SGCZ: variants seen among roughly 807,000 people sequenced by gnomAD.
SGCZ encodes the protein sarcoglycan zeta, also known as zeta-sarcoglycan.
In SGCZ, 40 loss-of-function variants were observed where a neutral mutation model predicts 41.3. The observed-to-expected ratio is 0.97, with a 90% CI of 0.75 to 1.26. The LOEUF (loss-of-function observed/expected upper bound fraction) is 1.26. Among genes scored for constraint, SGCZ ranks in the 50% most tolerant of loss-of-function variants. The probability of loss-of-function intolerance (pLI) is 0.00; values close to 1 mark genes in which losing one functional copy is unlikely to be tolerated. For synonymous variants in SGCZ, 206 were observed against 137.5 expected (o/e 1.50, Z -3.49); for missense variants, 552 against 369.8 (o/e 1.49, Z -4.04).
intron 5 of SGCZ, among the ~76,000 whole-genome samples, chr8:14,129,130 T>C (rs1050048328): frequency 6.6e-6 from 1 of 151,954 alleles, no homozygotes; most frequent in African/African-American, 2.4e-5. Context: ...GTGGATCACC[T>C]GAGGTCAGGA....
intron 4 of SGCZ, among the ~76,000 whole-genome samples, chr8:14,198,802 T>C (rs550228321): frequency 1.3e-5 from 2 of 152,346 alleles, no homozygotes; most frequent in Admixed American, 1.3e-4. Flanking sequence ...AAATTTCTTA[T>C]GCCTGTCTTT....
chr8:14,414,488 C>T (rs948825395), intron 2 of SGCZ, among the ~76,000 whole-genome samples: 1 of 151,760 alleles, frequency 6.6e-6, no homozygotes, highest in Non-Finnish European at 1.5e-5. Flanking sequence ...ATGTTTGGAA[C>T]CTGCTTGAGA....
intron 7 of SGCZ, 45 bp from the exon 8 acceptor site, chr8:14,090,682 A>C (rs559944337): frequency 1.3e-6 from 2 of 1,539,284 alleles, no homozygotes; most frequent in Non-Finnish European, 8.8e-7. Flanking sequence ...TTAGAAATGT[A>C]GCATCGAGTA....
chr8:14,988,850 C>G (rs556068733), intron 1 of SGCZ, among the ~76,000 whole-genome samples: 1 of 152,232 alleles, frequency 6.6e-6, no homozygotes, highest in South Asian at 2.1e-4. Context: ...TCATTTATTT[C>G]TGGATATTTA....
intron 1 of SGCZ, among the ~76,000 whole-genome samples, chr8:14,622,376 C>T (rs573606397): frequency 6.6e-6 from 1 of 152,214 alleles, no homozygotes; most frequent in Middle Eastern, 3.4e-3. Flanking sequence ...GTTTCTTTTT[C>T]CTGTAATCTG....
At position 15,237,830 on chromosome 8, in the gene SGCZ, T is replaced by A. The variant is rs765943700; in HGVS notation, c.-207A>T. On this transcript the variant is annotated 5_prime_UTR_variant, in exon 1 of 8. The change creates a new upstream start codon in the 5' untranslated region. Coordinates refer to ENST00000382080, the MANE Select transcript of SGCZ (RefSeq NM_139167.4). The stretch of plus-strand genomic sequence containing the variant: ...ATAATGATAATTCACTTTATTTTAC[T>A]TCCTCAAAGATTTAGTGACAGGTGA... 7.1e-6 allele frequency: 4 copies of A among 560,550 alleles called. No homozygotes were observed. The highest frequency in any genetic ancestry group is 1.9e-5 in the African/African-American group (1 of 53,142). The allele number at this position is 560,550 out of a possible 1,614,324, so 34.7% of individuals were successfully genotyped here.
chr8:15,109,066 G>C (rs573226296), intron 1 of SGCZ, among the ~76,000 whole-genome samples: 1 of 151,974 alleles, frequency 6.6e-6, no homozygotes, highest in Non-Finnish European at 1.5e-5. Flanking sequence ...ATTCATAATT[G>C]GAAAGGATTC....
chr8:14,322,408 G>A lies in SGCZ; in HGVS notation c.336+1695C>T, dbSNP rs527790982. ...TTCTCGGGGATGGAAACTAGGAAGCGCAAGTGGCTCCACCTCACACGTTAA... is the reference window on the plus strand; with the variant it reads ...TTCTCGGGGATGGAAACTAGGAAGCACAAGTGGCTCCACCTCACACGTTAA... On this transcript the variant is annotated intron_variant, in intron 3 of 7. Transcript: ENST00000382080. 8.3e-4 allele frequency among the ~76,000 whole-genome samples: 126 copies of A among 152,148 alleles called. 1 individual carries two copies. Among genetic ancestry groups the A allele is most frequent in the African/African-American group, 2.6e-3 (107 of 41,544 alleles).
chr8:15,169,714 A>G (rs192393196), intron 1 of SGCZ, among the ~76,000 whole-genome samples: 35 of 152,310 alleles, frequency 2.3e-4, no homozygotes, highest in African/African-American at 7.9e-4. Context: ...CATTTCCTGT[A>G]TCTTCACATG....
intron 3 of SGCZ, among the ~76,000 whole-genome samples, chr8:14,238,333 T>C (rs1323050788): frequency 6.6e-6 from 1 of 152,222 alleles, no homozygotes; most frequent in Non-Finnish European, 1.5e-5. Flanking sequence ...GGAAATAATT[T>C]ATGAAGTGTT....
intron 1 of SGCZ, among the ~76,000 whole-genome samples, chr8:15,193,359 T>C (rs1800603431): frequency 6.6e-6 from 1 of 152,130 alleles, no homozygotes; most frequent in Admixed American, 6.5e-5. Context: ...TCGTTATAAC[T>C]GTCACACGTT....
chr8:14,790,728 C>T (rs1800922559), intron 1 of SGCZ, among the ~76,000 whole-genome samples: 1 of 152,026 alleles, frequency 6.6e-6, no homozygotes, highest in African/African-American at 2.4e-5. Context: ...ATTGATTATG[C>T]CGCAGCAGAA....
chr8:14,857,043 T>C (rs1803564699), intron 1 of SGCZ, among the ~76,000 whole-genome samples: 1 of 152,128 alleles, frequency 6.6e-6, no homozygotes, highest in African/African-American at 2.4e-5. Context: ...AGAATTCTCA[T>C]GAATGGTTTA....
intron 1 of SGCZ, among the ~76,000 whole-genome samples, chr8:15,195,559 T>C (rs1170057149): frequency 1.3e-5 from 2 of 152,194 alleles, no homozygotes; most frequent in Admixed American, 1.3e-4. Context: ...GCTAAAATGA[T>C]GGGTTGTATT....
intron 1 of SGCZ, among the ~76,000 whole-genome samples, chr8:14,693,451 C>A (rs1197781412): frequency 6.6e-6 from 1 of 151,940 alleles, no homozygotes; most frequent in African/African-American, 2.4e-5. Context: ...ACTACCACAT[C>A]CAGATAATTT....
chr8:14,441,074 G>C (rs1219881808), intron 2 of SGCZ, among the ~76,000 whole-genome samples: 3 of 152,106 alleles, frequency 2.0e-5, no homozygotes, highest in Admixed American at 6.6e-5. Flanking sequence ...GGGGTGCACT[G>C]ATACAGGACC....
chr8:14,126,498 G>C (rs1276861331), intron 5 of SGCZ, among the ~76,000 whole-genome samples: 2 of 139,370 alleles, frequency 1.4e-5, no homozygotes, highest in Non-Finnish European at 3.2e-5. Context: ...CAAGATGCTA[G>C]AGCAGCTGTG....
chr8:14,540,202 G>A (rs982659198), intron 2 of SGCZ, among the ~76,000 whole-genome samples: 2 of 135,732 alleles, frequency 1.5e-5, no homozygotes, highest in African/African-American at 2.9e-5. Flanking sequence ...GGAAAATAAT[G>A]GCTATTTTCT....
intron 3 of SGCZ, among the ~76,000 whole-genome samples, chr8:14,266,968 T>C (rs761908305): frequency 6.6e-6 from 1 of 152,124 alleles, no homozygotes; most frequent in Non-Finnish European, 1.5e-5. Flanking sequence ...GTGAAGGAAC[T>C]AGGACAAAAG....
Sources: gnomAD v4.1 joint callset for allele counts (sites outside exome capture counted in the v4.1 genomes callset) on GRCh38, gnomAD v4.1.1 for gene constraint, MANE v1.5 for transcripts, NCBI Gene and HGNC (gene_info 2026-07-23, HGNC 2026-07-21) for gene names.